The following CCSER1 variants were observed in gnomAD, a reference collection of about 807,000 sequenced individuals.
CCSER1 encodes coiled-coil serine rich protein 1.
CCSER1 carries 41 observed loss-of-function variants against 82.0 expected under a neutral mutation model. That is an observed-to-expected ratio of 0.50 (90% CI 0.39 to 0.65). The LOEUF is 0.65. CCSER1 is among the 30% of genes least tolerant of loss of function. The pLI, the probability that CCSER1 is intolerant of heterozygous loss-of-function variation, is 0.00. For missense variants in CCSER1, 1,119 were observed against 1,064.2 expected, an observed-to-expected ratio of 1.05 and a Z score of -0.72; for synonymous variants, 414 against 383.9, an observed-to-expected ratio of 1.08 and a Z score of -0.92.
intron 10 of CCSER1, among the ~76,000 whole-genome samples, chr4:91,587,870 C>T (rs967477251): frequency 2.0e-5 from 3 of 151,474 alleles, no homozygotes; most frequent in African/African-American, 4.8e-5. Flanking sequence ...TAGTCAGTTT[C>T]CTTATAAAAT....
chr4:91,246,029 C>T (rs1195068045), intron 10 of CCSER1, among the ~76,000 whole-genome samples: 1 of 152,048 alleles, frequency 6.6e-6, no homozygotes, highest in Non-Finnish European at 1.5e-5. Context: ...AAGAAATCAT[C>T]TGAAGGTACA....
chr4:91,249,498 T>C (rs1740084107), intron 10 of CCSER1, among the ~76,000 whole-genome samples: 1 of 152,124 alleles, frequency 6.6e-6, no homozygotes. Context: ...ACTTTCAATA[T>C]TGCCTCACTT....
intron 5 of CCSER1, among the ~76,000 whole-genome samples, chr4:90,564,190 G>T (rs548263031): frequency 2.6e-4 from 40 of 151,994 alleles, no homozygotes; most frequent in Admixed American, 7.2e-4. Flanking sequence ...TTGCTCTGTT[G>T]TCCAGGCTGG....
intron 8 of CCSER1, among the ~76,000 whole-genome samples, chr4:90,911,772 C>T (rs1726409507): frequency 6.6e-6 from 1 of 152,172 alleles, no homozygotes; most frequent in Non-Finnish European, 1.5e-5. Flanking sequence ...AATCGGGTCA[C>T]TCCCAACCTA....
At chr4:91,469,816 T>C (rs1450805610) in intron 10 of CCSER1, among the ~76,000 whole-genome samples, 3 of 152,210 alleles carry the variant, frequency 2.0e-5, no homozygotes, top group African/African-American at 7.2e-5. Context: ...TTTTGGAAGA[T>C]AATTAATAGT....
At chr4:91,510,253 G>A (rs1759747344) in intron 10 of CCSER1, among the ~76,000 whole-genome samples, 1 of 152,078 alleles carries the variant, frequency 6.6e-6, no homozygotes, top group Admixed American at 6.6e-5. Context: ...CCAATCCACT[G>A]CCGATGGGCC....
chr4:91,450,693 A>G (rs1755823190), intron 10 of CCSER1, among the ~76,000 whole-genome samples: 1 of 152,000 alleles, frequency 6.6e-6, no homozygotes, highest in Non-Finnish European at 1.5e-5. Context: ...TTGATGAGGC[A>G]GTGCAAGTGA....
intron 10 of CCSER1, among the ~76,000 whole-genome samples, chr4:91,469,274 A>T (rs889571307): frequency 3.3e-5 from 5 of 152,212 alleles, no homozygotes; most frequent in African/African-American, 1.2e-4. Flanking sequence ...GCCTGCTATG[A>T]TATAAGATAA....
intron 10 of CCSER1, among the ~76,000 whole-genome samples, chr4:91,321,314 C>A (rs951482360): frequency 6.6e-6 from 1 of 151,986 alleles, no homozygotes; most frequent in Non-Finnish European, 1.5e-5. Context: ...GAGAGAGGAC[C>A]TATAATGTGA....
chr4:90,407,764 C>T (rs1054466796), intron 4 of CCSER1, among the ~76,000 whole-genome samples: 8 of 152,006 alleles, frequency 5.3e-5, no homozygotes, highest in Non-Finnish European at 8.8e-5. Flanking sequence ...GTTCATCTCA[C>T]GGGGGAGTGC....
chr4:91,580,143 A>G lies in CCSER1; in HGVS notation c.2218-18429A>G, dbSNP rs186820239. ...AGAGCAAGCTGAAGAAAAATTCAAT[A>G]ATATTCTTTATAATGCAGCATATTC... On this transcript the variant is annotated intron_variant, in intron 10 of 10. Transcript: ENST00000509176. Among the ~76,000 whole-genome samples, 295 of 151,976 alleles carry G rather than the reference A, an allele frequency of 1.9e-3. 3 individuals are homozygous for G. Among genetic ancestry groups the G allele is most frequent in the African/African-American group, 6.7e-3 (279 of 41,524 alleles).
intron 6 of CCSER1, among the ~76,000 whole-genome samples, chr4:90,702,923 G>T (rs944227269): frequency 2.3e-4 from 35 of 152,210 alleles, no homozygotes; most frequent in African/African-American, 7.7e-4. Context: ...CAAAAAACCA[G>T]CTCCTGGATT....
chr4:91,487,054 A>G (rs1379625370), intron 10 of CCSER1, among the ~76,000 whole-genome samples: 2 of 152,108 alleles, frequency 1.3e-5, no homozygotes, highest in African/African-American at 4.8e-5. Context: ...TTAATGGCAT[A>G]TAGGCCATTA....
chr4:91,255,779 A>G (rs773331270), intron 10 of CCSER1, among the ~76,000 whole-genome samples: 5 of 152,178 alleles, frequency 3.3e-5, no homozygotes, highest in South Asian at 2.1e-4. Flanking sequence ...CACTTCCCCA[A>G]TCAATACTCT....
intron 1 of CCSER1, among the ~76,000 whole-genome samples, chr4:90,277,938 A>G (rs1728137605): frequency 6.6e-6 from 1 of 152,160 alleles, no homozygotes; most frequent in South Asian, 2.1e-4. Flanking sequence ...TCTGCATTTG[A>G]CAAAGATCTA....
At chr4:90,463,479 A>G (rs1435224982) in intron 4 of CCSER1, among the ~76,000 whole-genome samples, 3 of 152,224 alleles carry the variant, frequency 2.0e-5, no homozygotes, top group African/African-American at 7.2e-5. Context: ...CAATACAGTA[A>G]GAGTAAATGC....
intron 8 of CCSER1, among the ~76,000 whole-genome samples, chr4:90,852,865 T>C (rs561063330): frequency 6.6e-6 from 1 of 152,308 alleles, no homozygotes; most frequent in African/African-American, 2.4e-5. Context: ...ACTGATATCT[T>C]ACTATAGAGC....
intron 5 of CCSER1, among the ~76,000 whole-genome samples, chr4:90,574,115 A>G (rs1340906036): frequency 6.6e-6 from 1 of 151,756 alleles, no homozygotes; most frequent in Non-Finnish European, 1.5e-5. Context: ...ATATTTTAAA[A>G]CAAATTGGTT....
intron 10 of CCSER1, among the ~76,000 whole-genome samples, chr4:91,110,149 A>G (rs549156623): frequency 6.6e-6 from 1 of 152,122 alleles, no homozygotes; most frequent in South Asian, 2.1e-4. Flanking sequence ...TTATGTAAAA[A>G]CTTAGTGAAA....
Sources: gnomAD v4.1 joint callset for allele counts (sites outside exome capture counted in the v4.1 genomes callset) on GRCh38, gnomAD v4.1.1 for gene constraint, MANE v1.5 for transcripts, NCBI Gene and HGNC (gene_info 2026-07-23, HGNC 2026-07-21) for gene names.